FOXK1: variants seen among roughly 807,000 people sequenced by gnomAD.
The protein encoded by FOXK1 is forkhead box protein K1.
A neutral mutation model predicts 51.9 loss-of-function variants in FOXK1; 19 were observed. The observed-to-expected ratio is 0.37, with a 90% CI of 0.26 to 0.54. The LOEUF (loss-of-function observed/expected upper bound fraction) is 0.54, where lower values mean the gene tolerates loss of function less well. Among genes scored for constraint, FOXK1 ranks in the 20% least tolerant of loss-of-function variants. The pLI is 0.87. For missense variants in FOXK1, 870 were observed against 1,032.7 expected, an observed-to-expected ratio of 0.84 and a Z score of 2.16; for synonymous variants, 537 against 482.6, an observed-to-expected ratio of 1.11 and a Z score of -1.48.
At chr7:4,744,721 G>A (rs1005551007) in intron 2 of FOXK1, among the ~76,000 whole-genome samples, 19 of 152,376 alleles carry the variant, frequency 1.2e-4, no homozygotes, top group African/African-American at 4.3e-4. Flanking sequence ...AGCTCCCTGG[G>A]CCTGCACCTG....
intron 1 of FOXK1, among the ~76,000 whole-genome samples, chr7:4,701,878 C>G (rs888910745): frequency 2.6e-5 from 4 of 152,004 alleles, no homozygotes; most frequent in Non-Finnish European, 5.9e-5. Flanking sequence ...GGGCGATAAG[C>G]GAGACTCCGT....
Position 4,758,697 on chromosome 7 carries a change from C to G in FOXK1, c.1245-354C>G, listed in dbSNP as rs1192778209. Reference sequence around the variant, plus strand: ...GAGTTTTCATGGTGGAACGGTTGCGCCCACCAAACAGAAGCTTATGTTTTT... The same window carrying G: ...GAGTTTTCATGGTGGAACGGTTGCGGCCACCAAACAGAAGCTTATGTTTTT... On this transcript the variant is annotated intron_variant, in intron 5 of 8. Coordinates refer to ENST00000328914, the MANE Select transcript of FOXK1 (RefSeq NM_001037165.2). The surrounding 1 kb of genome is among the most constrained non-coding windows in gnomAD (Gnocchi z 4.4). 3.1e-5 allele frequency: 8 copies of G among 259,286 alleles called. No individual in the cohort carries two copies. The highest frequency in any genetic ancestry group is 5.8e-5 in the Non-Finnish European group (8 of 137,026). 16.1% of individuals were successfully genotyped at this position (259,286 alleles called of 1,614,324 possible).
In FOXK1 at chr7:4,709,737, C is replaced by T. The variant is rs917633266; in HGVS notation, c.560+26869C>T. Among the ~76,000 whole-genome samples the T allele has an allele frequency of 1.3e-5, 2 of 152,230 alleles. No homozygotes were observed. The highest frequency in any genetic ancestry group is 4.8e-5 in the African/African-American group (2 of 41,466). On this transcript the variant is annotated intron_variant, in intron 1 of 8. Transcript: ENST00000328914. This position sits in a 1 kb window ranked among gnomAD's most constrained non-coding sequence, Gnocchi z 5.6. Reference sequence around the variant, plus strand: ...GTTTGGACCCTGGAGCAGTGAAGTTCCACAGTGTCATGATAATTCTTGGCG... The same window carrying T: ...GTTTGGACCCTGGAGCAGTGAAGTTTCACAGTGTCATGATAATTCTTGGCG...
chr7:4,732,982 TCC>T (rs1455295639), intron 1 of FOXK1, among the ~76,000 whole-genome samples: 1 of 152,178 alleles, frequency 6.6e-6, no homozygotes, highest in African/African-American at 2.4e-5. Flanking sequence ...AAGACGACAT[TCC>T]TGTCCTTCAG....
chr7:4,706,060 A>G (rs945217062), intron 1 of FOXK1, among the ~76,000 whole-genome samples: 3 of 140,086 alleles, frequency 2.1e-5, no homozygotes, highest in African/African-American at 9.4e-5. Flanking sequence ...ATATGTATAT[A>G]TATGTGTATA....
At chr7:4,702,031 T>C (rs6976455) in intron 1 of FOXK1, among the ~76,000 whole-genome samples, 30,290 of 152,072 alleles carry the variant, frequency 0.2, 5,371 homozygotes, top group African/African-American at 0.48. Context: ...GCTGTGACTG[T>C]ACCACTGCAC....
chr7:4,766,237 A>T lies in FOXK1; in HGVS notation c.*3773A>T, dbSNP rs947849818. ...CACCAGTCGGGCCGAGTGTGGCCTCATGGTTCTGCCGCGGCCCAGTCTTCT... is the reference window on the plus strand; with the variant it reads ...CACCAGTCGGGCCGAGTGTGGCCTCTTGGTTCTGCCGCGGCCCAGTCTTCT... On this transcript the variant is annotated 3_prime_UTR_variant, in exon 9 of 9. Coordinates refer to ENST00000328914, the MANE Select transcript of FOXK1 (RefSeq NM_001037165.2). This position sits in a 1 kb window ranked among gnomAD's most constrained non-coding sequence, Gnocchi z 5.5. 1.3e-5 allele frequency: 2 copies of T among 152,140 alleles called. No individual in the cohort carries two copies. Among genetic ancestry groups the T allele is most frequent in the South Asian group, 2.1e-4 (1 of 4,810 alleles). The allele number at this position is 152,140 out of a possible 1,614,324, so 9.4% of individuals were successfully genotyped here.
intron 1 of FOXK1, among the ~76,000 whole-genome samples, chr7:4,705,517 TTC>T (rs56842360): frequency 0.22 from 24,740 of 111,552 alleles, 2,322 homozygotes; most frequent in Middle Eastern, 0.32. Context: ...TTCCTTCTCT[TTC>T]TCTCTCTCTC....
In FOXK1 at chr7:4,760,964, G is replaced by A. The variant is rs1324964196; in HGVS notation, c.1697-100G>A. The A allele has an allele frequency of 2.6e-5, 29 of 1,113,644 alleles. 3 individuals are homozygous for A. Among genetic ancestry groups the A allele is most frequent in the Middle Eastern group, 2.9e-4 (1 of 3,490 alleles). 69.0% of individuals were successfully genotyped at this position (1,113,644 alleles called of 1,614,324 possible). ...AGCAAACCTATTTTTTCCCAGTGCC[G>A]ACCTCACTTTCCCCACTTGTCCGAC... On this transcript the variant is annotated intron_variant, in intron 7 of 8. Coordinates refer to ENST00000328914, the MANE Select transcript of FOXK1 (RefSeq NM_001037165.2).
chr7:4,762,415 C>T lies in FOXK1; in HGVS notation c.2153C>T (p.Ala718Val), dbSNP rs374087096. 8 of 1,549,260 alleles carry T rather than the reference C, an allele frequency of 5.2e-6. No homozygotes were observed. Among genetic ancestry groups the T allele is most frequent in the Non-Finnish European group, 7.0e-6 (8 of 1,146,984 alleles). ...CCCAGTGGTGCTGTAACCACACCGG[C>T]TGGAGTGATCGCAGCTGCCGGCCCC... is the stretch of plus-strand genomic sequence containing the variant. ...EEPSGAVTTP[A>V]GVIAAAGPQG... is the part of the protein sequence containing the mutation. Residue 718 changes from alanine (A) to valine (V), a missense_variant, in exon 9 of 9, where the codon GCT becomes GTT. By Grantham distance (64) the Ala-to-Val change is moderately conservative (BLOSUM62 0). Coordinates refer to ENST00000328914, the MANE Select transcript of FOXK1 (RefSeq NM_001037165.2). This position sits in a 1 kb window ranked among gnomAD's most constrained non-coding sequence, Gnocchi z 5.7.
At position 4,769,932 on chromosome 7, in the gene FOXK1, C is replaced by G. The variant is rs569530622; in HGVS notation, c.*7468C>G. On this transcript the variant is annotated 3_prime_UTR_variant, in exon 9 of 9. Coordinates refer to ENST00000328914, the MANE Select transcript of FOXK1 (RefSeq NM_001037165.2). The surrounding 1 kb of genome is among the most constrained non-coding windows in gnomAD (Gnocchi z 4.1). ...ACACGGTGAAAAGAGTGCAGGAAAG[C>G]TGGGGCCAGGGGAAGCGAAGTGGCT... The G allele has an allele frequency of 2.0e-5, 3 of 152,338 alleles. No individual in the cohort carries two copies. The highest frequency in any genetic ancestry group is 3.9e-4 in the East Asian group (2 of 5,190). The allele number at this position is 152,338 out of a possible 1,614,324, so 9.4% of individuals were successfully genotyped here.
rs1304471627 is a variant in FOXK1, at chr7:4,696,463, C to T, written c.560+13595C>T. Among the ~76,000 whole-genome samples, 7 of 152,296 alleles carry T rather than the reference C, an allele frequency of 4.6e-5. No individual in the cohort carries two copies. In the South Asian group the frequency reaches 6.2e-4, roughly 14 times the overall value. On this transcript the variant is annotated intron_variant, in intron 1 of 8. Transcript: ENST00000328914. ...ACATGTCTGTCGTCTACCCGTCACACGGTTGTACCAGGTAGCCTTTGCTTA... is the reference window on the plus strand; with the variant it reads ...ACATGTCTGTCGTCTACCCGTCACATGGTTGTACCAGGTAGCCTTTGCTTA...
rs1780741812 is a variant in FOXK1, at chr7:4,749,002, T to A, written c.747-5457T>A. Among the ~76,000 whole-genome samples the A allele has an allele frequency of 6.6e-6, 1 of 152,224 alleles. No individual in the cohort carries two copies. Among genetic ancestry groups the A allele is most frequent in the Non-Finnish European group, 1.5e-5 (1 of 68,034 alleles). The stretch of plus-strand genomic sequence containing the variant: ...ACCCCCAGGTTCCTGTCCACGCTTC[T>A]GGGACTGGCTGTGCCTGGCGGGCCT... On this transcript the variant is annotated intron_variant, in intron 2 of 8. Coordinates refer to ENST00000328914, the MANE Select transcript of FOXK1 (RefSeq NM_001037165.2). This position sits in a 1 kb window ranked among gnomAD's most constrained non-coding sequence, Gnocchi z 6.0.
rs1397743829 is a variant in FOXK1 at position 4,762,267 on chromosome 7, C to T, written c.2005C>T (p.Pro669Ser). Residue 669 changes from proline to serine, a missense_variant, in exon 9 of 9, where the codon CCC becomes TCC. This residue lies in a region of FOXK1 where 457 missense variants were observed against 510.8 expected (regional missense o/e 0.89). Transcript: ENST00000328914. This position sits in a 1 kb window ranked among gnomAD's most constrained non-coding sequence, Gnocchi z 5.7. ...GGTCACCCGGGTGTGCGAGGTGGGG[C>T]CCAAGGAGCCAGCAGCAGCCGTCGC... ...VVVTRVCEVG[P>S]KEPAAAVAAT... 7.7e-6 allele frequency: 12 copies of T among 1,551,202 alleles called. No homozygotes were observed. Among genetic ancestry groups the T allele is most frequent in the Non-Finnish European group, 1.0e-5 (12 of 1,147,092 alleles).
intron 1 of FOXK1, among the ~76,000 whole-genome samples, chr7:4,700,708 C>T (rs527761545): frequency 6.6e-6 from 1 of 152,036 alleles, no homozygotes; most frequent in African/African-American, 2.4e-5. Context: ...ACGAGCTACT[C>T]GGGAGGCTGA....
intron 1 of FOXK1, among the ~76,000 whole-genome samples, chr7:4,719,752 G>C (rs1310570947): frequency 6.6e-6 from 1 of 152,204 alleles, no homozygotes; most frequent in African/African-American, 2.4e-5. Context: ...AAGGTGCTGG[G>C]ATTACAGGTT....
intron 1 of FOXK1, among the ~76,000 whole-genome samples, chr7:4,698,267 A>ATAT (rs1208151512): frequency 3.3e-5 from 5 of 151,840 alleles, no homozygotes; most frequent in Non-Finnish European, 5.9e-5. Context: ...TTTTCTCTAT[A>ATAT]TATGTATGTT....
intron 2 of FOXK1, among the ~76,000 whole-genome samples, chr7:4,751,438 C>A (rs529325675): frequency 6.4e-4 from 98 of 152,314 alleles, no homozygotes; most frequent in Non-Finnish European, 1.1e-3. Flanking sequence ...GGCTCCAAGG[C>A]CTCTGGCTTT....
intron 1 of FOXK1, among the ~76,000 whole-genome samples, chr7:4,725,387 A>AT (rs1780366925): frequency 1.3e-5 from 2 of 151,838 alleles, no homozygotes; most frequent in South Asian, 4.1e-4. Flanking sequence ...ATGTCATCGG[A>AT]TTTTTTTTCA....
Sources: gnomAD v4.1 joint callset for allele counts (sites outside exome capture counted in the v4.1 genomes callset) on GRCh38, gnomAD v4.1.1 for gene constraint, gnomAD v4.1.1 regional missense constraint, Gnocchi (gnomAD v3.1) non-coding constraint, MANE v1.5 for transcripts, NCBI Gene and HGNC (gene_info 2026-07-23, HGNC 2026-07-21) for gene names.